Variants in BLTP3B observed in about 807,000 individuals in gnomAD.
The protein encoded by BLTP3B is bridge-like lipid transfer protein family member 3B, also known as UHRF1 (ICBP90) binding protein 1-like.
At chr12:100,047,285 G>A in the BLTP3B span, among the ~76,000 whole-genome samples, 4 of 152,088 alleles carry the variant, frequency 2.6e-5, no homozygotes, top group Non-Finnish European at 5.9e-5. Context: ...ATAACCTGAA[G>A]TCAGGAGTTT....
the BLTP3B span, among the ~76,000 whole-genome samples, chr12:100,139,544 A>C: frequency 6.6e-6 from 1 of 152,170 alleles, no homozygotes; most frequent in Non-Finnish European, 1.5e-5. Context: ...ATTTTCCAGG[A>C]TCCAAAGGCA....
At chr12:100,132,213 G>T in the BLTP3B span, among the ~76,000 whole-genome samples, 337 of 152,278 alleles carry the variant, frequency 2.2e-3, 9 homozygotes, top group Admixed American at 0.021. Flanking sequence ...AAAGCAAAGT[G>T]TAATACTGCA....
At chr12:100,098,862 T>C in the BLTP3B span, among the ~76,000 whole-genome samples, 4 of 151,916 alleles carry the variant, frequency 2.6e-5, 1 homozygote, top group African/African-American at 7.3e-5. Flanking sequence ...TTAGCTCAGA[T>C]TGCAACACTG....
chr12:100,065,834 T>C, the BLTP3B span, among the ~76,000 whole-genome samples: 1 of 152,330 alleles, frequency 6.6e-6, no homozygotes, highest in East Asian at 1.9e-4. Context: ...GTGATCTTTG[T>C]TCTCCTTTTT....
the BLTP3B span, among the ~76,000 whole-genome samples, chr12:100,124,936 T>TTATA: frequency 0.054 from 2,992 of 55,614 alleles, 109 homozygotes; most frequent in East Asian, 0.1. Context: ...AAAAAAAATT[T>TTATA]TATATATATA....
At chr12:100,140,612 G>A in the BLTP3B span, among the ~76,000 whole-genome samples, 1 of 146,652 alleles carries the variant, frequency 6.8e-6, no homozygotes, top group African/African-American at 2.5e-5. Context: ...GGCTGAGGCA[G>A]GAGAACTGAT....
At chr12:100,099,487 A>G in the BLTP3B span, among the ~76,000 whole-genome samples, 5 of 150,660 alleles carry the variant, frequency 3.3e-5, no homozygotes, top group South Asian at 1.1e-3. Context: ...GAGGCCACAC[A>G]TGGTAGCTCA....
chr12:100,037,218 T>G, the BLTP3B span: 1 of 959,922 alleles, frequency 1.0e-6, no homozygotes, highest in Admixed American at 6.2e-5. Flanking sequence ...AGCATTTGAA[T>G]CTTTGTAAAT....
the BLTP3B span, among the ~76,000 whole-genome samples, chr12:100,045,208 C>A: frequency 6.6e-6 from 1 of 152,340 alleles, no homozygotes; most frequent in East Asian, 1.9e-4. Flanking sequence ...CTATCCCCAT[C>A]AAGCTACCAC....
At chr12:100,132,751 C>T in the BLTP3B span, among the ~76,000 whole-genome samples, 1 of 151,524 alleles carries the variant, frequency 6.6e-6, no homozygotes, top group African/African-American at 2.4e-5. Context: ...GTCTTGAGAC[C>T]AGCCTAGCCA....
the BLTP3B span, among the ~76,000 whole-genome samples, chr12:100,076,057 G>A: frequency 6.6e-6 from 1 of 151,434 alleles, no homozygotes; most frequent in Admixed American, 6.6e-5. Context: ...TCAGCATCAT[G>A]CAATATAAAA....
At chr12:100,037,498 TCAC>T in the BLTP3B span, 33 of 1,506,722 alleles carry the variant, frequency 2.2e-5, no homozygotes, top group Non-Finnish European at 2.2e-5. Flanking sequence ...TTTGAAATAG[TCAC>T]CACTTCATCA....
At chr12:100,056,586 C>T in the BLTP3B span, among the ~76,000 whole-genome samples, 2 of 151,760 alleles carry the variant, frequency 1.3e-5, no homozygotes, top group Non-Finnish European at 2.9e-5. Flanking sequence ...GCCTGTAATC[C>T]CAGCATTTTG....
At chr12:100,131,331 A>G in the BLTP3B span, among the ~76,000 whole-genome samples, 32 of 151,296 alleles carry the variant, frequency 2.1e-4, no homozygotes, top group East Asian at 2.1e-3. Context: ...AAAATTAATT[A>G]ATTTAAAGTT....
the BLTP3B span, chr12:100,092,605 T>C: frequency 6.6e-6 from 1 of 152,284 alleles, no homozygotes; most frequent in Non-Finnish European, 1.5e-5. Context: ...ATAGTGAGAT[T>C]ACAAAATTTT....
At chr12:100,110,800 G>C in the BLTP3B span, among the ~76,000 whole-genome samples, 6 of 151,968 alleles carry the variant, frequency 3.9e-5, no homozygotes, top group Non-Finnish European at 8.8e-5. Flanking sequence ...ATATAAAGTG[G>C]AATTGAAAAA....
At chr12:100,058,930 C>G in the BLTP3B span, 46 of 1,613,884 alleles carry the variant, frequency 2.9e-5, no homozygotes, top group Admixed American at 8.3e-5. Flanking sequence ...TTCTGACCAC[C>G]ATTTGTCAAA....
At chr12:100,089,785 T>C in the BLTP3B span, among the ~76,000 whole-genome samples, 5 of 152,196 alleles carry the variant, frequency 3.3e-5, no homozygotes, top group Non-Finnish European at 7.3e-5. Flanking sequence ...ATATATCTGA[T>C]ATGGTTTGGC....
the BLTP3B span, among the ~76,000 whole-genome samples, chr12:100,127,139 A>T: frequency 6.6e-5 from 10 of 152,350 alleles, no homozygotes; most frequent in South Asian, 2.1e-3. Context: ...ATTATACTTC[A>T]CGAGCAAGCG....
Sources: gnomAD v4.1 joint callset for allele counts (sites outside exome capture counted in the v4.1 genomes callset) on GRCh38, gnomAD v4.1.1 for gene constraint, MANE v1.5 for transcripts, NCBI Gene and HGNC (gene_info 2026-07-23, HGNC 2026-07-21) for gene names.